TAF5L: variants seen among roughly 807,000 people sequenced by gnomAD.
TAF5L encodes the protein TAF5-like RNA polymerase II p300/CBP-associated factor-associated factor 65 kDa subunit 5L.
A neutral mutation model predicts 51.3 loss-of-function variants in TAF5L; 7 were observed. That is an observed-to-expected ratio of 0.14 (90% CI 0.08 to 0.26). TAF5L has a LOEUF of 0.26. TAF5L is among the 10% of genes least tolerant of loss of function. The pLI, the probability that TAF5L is intolerant of heterozygous loss-of-function variation, is 1.00. For synonymous variants in TAF5L, 291 were observed against 308.1 expected (o/e 0.94, Z 0.58); for missense variants, 575 against 758.9 (o/e 0.76, Z 2.85).
At chr1:229,623,981 A>G (rs982552840) in intron 1 of TAF5L, among the ~76,000 whole-genome samples, 2 of 152,206 alleles carry the variant, frequency 1.3e-5, no homozygotes, top group Non-Finnish European at 2.9e-5. Flanking sequence ...ACTACCTGAG[A>G]AGCCACCAGT....
intron 1 of TAF5L, among the ~76,000 whole-genome samples, chr1:229,616,588 A>G (rs1665012781): frequency 6.6e-6 from 1 of 152,172 alleles, no homozygotes. Flanking sequence ...TGTGGTGAAT[A>G]ACCAAACAAA....
At chr1:229,614,233 C>G (rs1159737972) in intron 2 of TAF5L, 108 bp downstream of exon 2, 13 of 1,596,508 alleles carry the variant, frequency 8.1e-6, no homozygotes, top group Non-Finnish European at 1.1e-5. Context: ...TTTGGTCAGT[C>G]TGCTCTCTCT....
intron 3 of TAF5L, among the ~76,000 whole-genome samples, chr1:229,604,173 A>AAT (rs10651663): frequency 5.5e-5 from 8 of 144,936 alleles, no homozygotes; most frequent in Non-Finnish European, 1.2e-4. Flanking sequence ...TTCTGGTAGC[A>AAT]TTTTTTTTTT....
chr1:229,594,637 G>C lies in TAF5L; in HGVS notation c.1430C>G (p.Ser477Cys). The C allele has an allele frequency of 2.5e-6, 4 of 1,614,210 alleles. No individual in the cohort carries two copies. Among genetic ancestry groups the C allele is most frequent in the Non-Finnish European group, 3.4e-6 (4 of 1,180,038 alleles). ...AGACGCCAAGTACTTACCGTTGGGA[G>C]AAAAGGCGAGAGAAAGCACGGGGCC... The change falls in exon 5 of 5, where the codon TCT (serine) becomes TGT (cysteine). Residue 477 changes from serine (S) to cysteine (C), a missense_variant. This residue lies in a region of TAF5L where 104 missense variants were observed against 218.3 expected (regional missense o/e 0.48). Coordinates refer to ENST00000258281, the Ensembl canonical transcript of TAF5L. The surrounding 1 kb of genome is among the most constrained non-coding windows in gnomAD (Gnocchi z 7.9).
chr1:229,622,981 A>G (rs1665270808), intron 1 of TAF5L, among the ~76,000 whole-genome samples: 1 of 152,202 alleles, frequency 6.6e-6, no homozygotes, highest in Admixed American at 6.5e-5. Flanking sequence ...GCTAAGCTTA[A>G]AAACATTTAC....
Position 229,594,678 on chromosome 1 carries a change from A to G in TAF5L, c.1389T>C (p.Leu463=). ...GCACGGGGCCACGGTGGCCTGTGAA[A>G]AGCCTCACCGAGTTCCCCTGCTGAG... The change falls in exon 5 of 5, where the codon CTT becomes CTC. Residue 463 remains leucine, a synonymous_variant. Coordinates refer to ENST00000258281, the Ensembl canonical transcript of TAF5L. The surrounding 1 kb of genome is among the most constrained non-coding windows in gnomAD (Gnocchi z 7.9). 6.2e-7 allele frequency: 1 copy of G among 1,614,118 alleles called. No homozygotes were observed. Among genetic ancestry groups the G allele is most frequent in the Non-Finnish European group, 8.5e-7 (1 of 1,180,014 alleles).
chr1:229,614,646 C>A (rs573220198), intron 1 of TAF5L, among the ~76,000 whole-genome samples, 161 bp from the exon 2 acceptor site: 1 of 152,302 alleles, frequency 6.6e-6, no homozygotes, highest in East Asian at 1.9e-4. Flanking sequence ...CTAATACCAA[C>A]GTGGTATACT....
chr1:229,615,026 A>G (rs985296158), intron 1 of TAF5L, among the ~76,000 whole-genome samples: 2 of 152,214 alleles, frequency 1.3e-5, no homozygotes, highest in African/African-American at 4.8e-5. Flanking sequence ...TAGCCAGGAA[A>G]AGACTGCCAG....
At chr1:229,622,018 CATCTATCTATCTATCT>C (rs10578192) in intron 1 of TAF5L, among the ~76,000 whole-genome samples, 8,669 of 149,010 alleles carry the variant, frequency 0.058, 438 homozygotes, top group East Asian at 0.14. Context: ...CATTCATCAT[CATCTATCTATCTATCT>C]ATCTATCTAT....
intron 4 of TAF5L, among the ~76,000 whole-genome samples, chr1:229,597,968 G>A (rs1439279039): frequency 6.6e-6 from 1 of 152,134 alleles, no homozygotes; most frequent in African/African-American, 2.4e-5. Flanking sequence ...TTGGGGTCTG[G>A]AATTTAGCCT....
chr1:229,594,197 G>A lies in TAF5L; in HGVS notation c.*100C>T, dbSNP rs938487953. ...GAGGGCCCAGGAGAGAGGGGAGGAG[G>A]GGGCTCTTTCACAGTCAATGATTCA... On this transcript the variant is annotated 3_prime_UTR_variant, in exon 5 of 5. Coordinates refer to ENST00000258281, the Ensembl canonical transcript of TAF5L. This position sits in a 1 kb window ranked among gnomAD's most constrained non-coding sequence, Gnocchi z 7.9. The A allele has an allele frequency of 1.4e-5, 19 of 1,321,350 alleles. No homozygotes were observed. The highest frequency in any genetic ancestry group is 2.4e-5 in the Admixed American group (1 of 40,850). The allele number at this position is 1,321,350 out of a possible 1,614,324, so 81.9% of individuals were successfully genotyped here.
rs1221996014 is a variant in TAF5L at position 229,602,835 on chromosome 1, C to G, written c.332G>C (p.Ser111Thr). 1 of 1,612,378 alleles carries G rather than the reference C, an allele frequency of 6.2e-7. No homozygotes were observed. The highest frequency in any genetic ancestry group is 8.5e-7 in the Non-Finnish European group (1 of 1,180,038). The stretch of plus-strand genomic sequence containing the variant: ...AAAACTTTCCACTGTGCTCTTCGGA[C>G]TGTTTTGGACCAGGTTGAGATGGAG... The change falls in exon 4 of 5, where the codon AGT (serine) becomes ACT (threonine). Residue 111 changes from serine to threonine, a missense_variant. Transcript: ENST00000258281. This position sits in a 1 kb window ranked among gnomAD's most constrained non-coding sequence, Gnocchi z 4.6.
intron 4 of TAF5L, chr1:229,600,886 T>C: frequency 1.0e-6 from 1 of 985,162 alleles, no homozygotes; most frequent in South Asian, 4.7e-5. Context: ...CCAAACTCTG[T>C]ATCATCAAAG....
chr1:229,620,956 A>ATGTGTGTGTGTG (rs60562331), intron 1 of TAF5L, among the ~76,000 whole-genome samples: 4 of 149,904 alleles, frequency 2.7e-5, no homozygotes, highest in African/African-American at 9.8e-5. Flanking sequence ...TAAAACATTT[A>ATGTGTGTGTGTG]TGTGTGTGTG....
chr1:229,614,618 G>A (rs1664906309), intron 1 of TAF5L, 133 bp from the exon 2 acceptor site: 1 of 1,148,244 alleles, frequency 8.7e-7, no homozygotes, highest in Non-Finnish European at 1.2e-6. Flanking sequence ...GCCTAGTTAA[G>A]ACGCAAATCT....
intron 3 of TAF5L, chr1:229,606,151 A>G: frequency 1.0e-6 from 1 of 985,450 alleles, no homozygotes; most frequent in Non-Finnish European, 1.2e-6. Flanking sequence ...TCATAGGTTC[A>G]AAATTGCTTA....
At position 229,602,025 on chromosome 1, in the gene TAF5L, G is replaced by C. The variant is rs1398356451; in HGVS notation, c.972+170C>G. ...GCTAAAAATTGTTTTTGCATCTTAG[G>C]TTAGGCATGTGCAGGAATTCAATGG... On this transcript the variant is annotated intron_variant, in intron 4 of 4. Coordinates refer to ENST00000258281, the Ensembl canonical transcript of TAF5L. This position sits in a 1 kb window ranked among gnomAD's most constrained non-coding sequence, Gnocchi z 4.6. 3 of 1,449,044 alleles carry C rather than the reference G, an allele frequency of 2.1e-6. No individual in the cohort carries two copies. The highest frequency in any genetic ancestry group is 2.7e-6 in the Non-Finnish European group (3 of 1,103,116). The allele number at this position is 1,449,044 out of a possible 1,614,324, so 89.8% of individuals were successfully genotyped here.
chr1:229,622,059 A>ATCTC (rs1219904054), intron 1 of TAF5L, among the ~76,000 whole-genome samples: 4 of 151,460 alleles, frequency 2.6e-5, no homozygotes, highest in African/African-American at 9.8e-5. Context: ...CTATCTATCT[A>ATCTC]TCTATCTATA....
chr1:229,602,762 A>G lies in TAF5L; in HGVS notation c.405T>C (p.Asp135=), dbSNP rs1664433468. The G allele has an allele frequency of 6.2e-7, 1 of 1,614,000 alleles. No individual in the cohort carries two copies. The highest frequency in any genetic ancestry group is 8.5e-7 in the Non-Finnish European group (1 of 1,180,046). The change falls in exon 4 of 5, where the codon GAT becomes GAC. Residue 135 remains aspartate, a synonymous_variant. Coordinates refer to ENST00000258281, the Ensembl canonical transcript of TAF5L. This position sits in a 1 kb window ranked among gnomAD's most constrained non-coding sequence, Gnocchi z 4.6. Reference sequence around the variant, plus strand: ...GAGTGGTCTGTAGCTGCTCAATGACATCCTTCTGGCTAGCATTCTGCAGAA... The same window carrying G: ...GAGTGGTCTGTAGCTGCTCAATGACGTCCTTCTGGCTAGCATTCTGCAGAA...
Sources: gnomAD v4.1 joint callset for allele counts (sites outside exome capture counted in the v4.1 genomes callset) on GRCh38, gnomAD v4.1.1 for gene constraint, gnomAD v4.1.1 regional missense constraint, Gnocchi (gnomAD v3.1) non-coding constraint, MANE v1.5 for transcripts, NCBI Gene and HGNC (gene_info 2026-07-23, HGNC 2026-07-21) for gene names.